LTBP1: variants seen among roughly 807,000 people sequenced by gnomAD.
The protein encoded by LTBP1 is latent transforming growth factor beta binding protein 1.
In LTBP1, 129 loss-of-function variants were observed where a neutral mutation model predicts 207.6. The ratio of observed to expected loss-of-function variants is 0.62; its 90% CI spans 0.54 to 0.72. LTBP1 has a LOEUF of 0.72. Ranked by LOEUF, LTBP1 falls within the 30% of genes least tolerant of loss-of-function variation. LTBP1 has a pLI of 0.00. For synonymous variants in LTBP1, 963 were observed against 833.7 expected, an observed-to-expected ratio of 1.16 and a Z score of -2.67; for missense variants, 2,281 against 2,217.2, an observed-to-expected ratio of 1.03 and a Z score of -0.58.
intron 22 of LTBP1, among the ~76,000 whole-genome samples, chr2:33,302,322 G>C (rs914604279): frequency 6.6e-6 from 1 of 152,154 alleles, no homozygotes; most frequent in African/African-American, 2.4e-5. Flanking sequence ...TGCATTTAGA[G>C]CCTGTCAGTT....
At chr2:33,343,070 G>T in intron 25 of LTBP1, 107 bp downstream of exon 25, 2 of 1,271,654 alleles carry the variant, frequency 1.6e-6, no homozygotes, top group Non-Finnish European at 2.1e-6. Context: ...GAGCTTTATC[G>T]TAATTTGATT....
intron 3 of LTBP1, among the ~76,000 whole-genome samples, chr2:33,074,542 G>A (rs2077971090): frequency 6.6e-6 from 1 of 152,028 alleles, no homozygotes; most frequent in Admixed American, 6.6e-5. Context: ...TTCGAGACCA[G>A]CCTCGCCAAC....
intron 23 of LTBP1, among the ~76,000 whole-genome samples, chr2:33,309,788 G>C (rs1397845711): frequency 1.3e-5 from 2 of 152,184 alleles, no homozygotes; most frequent in Admixed American, 1.3e-4. Context: ...CTCACTGCGT[G>C]CTTCCGTCAC....
intron 11 of LTBP1, among the ~76,000 whole-genome samples, chr2:33,253,933 A>AGGCTGGAG (rs1426284127): frequency 8.3e-6 from 1 of 120,556 alleles, no homozygotes; most frequent in Non-Finnish European, 1.6e-5. Flanking sequence ...TTTGTTGCCC[A>AGGCTGGAG]GGCTGGAGTG....
intron 7 of LTBP1, among the ~76,000 whole-genome samples, chr2:33,204,361 T>A (rs2089652343): frequency 6.6e-6 from 1 of 152,212 alleles, no homozygotes; most frequent in South Asian, 2.1e-4. Flanking sequence ...TGAACAAGAT[T>A]TGCCACCGTT....
At chr2:33,009,808 T>C (rs957416576) in intron 2 of LTBP1, among the ~76,000 whole-genome samples, 1 of 152,012 alleles carries the variant, frequency 6.6e-6, no homozygotes, top group African/African-American at 2.4e-5. Flanking sequence ...GTCTTAGAGT[T>C]TGGGGTGGAT....
chr2:33,110,464 A>G, intron 3 of LTBP1, 118 bp from the exon 4 acceptor site: 1 of 884,362 alleles, frequency 1.1e-6, no homozygotes, highest in South Asian at 1.9e-5. Context: ...AAAAAAAATG[A>G]GCCTTGCTTG....
chr2:33,311,384 A>G (rs531055748), intron 23 of LTBP1, among the ~76,000 whole-genome samples: 2 of 152,232 alleles, frequency 1.3e-5, no homozygotes, highest in East Asian at 1.9e-4. Flanking sequence ...GTGAAATTCA[A>G]TTTTTTCCAA....
At position 33,325,368 on chromosome 2, in the gene LTBP1, C is replaced by T. The variant is rs79668786; in HGVS notation, c.3730+10099C>T. On this transcript the variant is annotated intron_variant, in intron 24 of 33. Transcript: ENST00000404816. ...TTTTTTGGCTGATTTTATGTTGCCT[C>T]TGAGGCCTAAGTGTCAAAAAGATGA... is the stretch of plus-strand genomic sequence containing the variant. 3.3e-4 allele frequency among the ~76,000 whole-genome samples: 51 copies of T among 152,260 alleles called. 1 individual carries two copies. The East Asian group carries it at 9.5e-3, about 28-fold the overall frequency.
At chr2:33,378,226 G>GTGT (rs1558324150) in intron 31 of LTBP1, among the ~76,000 whole-genome samples, 3 of 120,574 alleles carry the variant, frequency 2.5e-5, no homozygotes, top group African/African-American at 9.9e-5. Context: ...TGTGTGTTTT[G>GTGT]TTTGTTTGTT....
In LTBP1 at chr2:32,947,665, C is replaced by G; in HGVS notation, c.341C>G (p.Pro114Arg). 6.9e-7 allele frequency: 1 copy of G among 1,439,142 alleles called. No individual in the cohort carries two copies. Among genetic ancestry groups the G allele is most frequent in the Non-Finnish European group, 9.2e-7 (1 of 1,091,054 alleles). 89.1% of individuals were successfully genotyped at this position (1,439,142 alleles called of 1,614,324 possible). A position where few individuals can be genotyped will look rare whatever the true frequency, so the allele number is the denominator to read the frequency against. Residue 114 changes from proline to arginine, a missense_variant, in exon 1 of 34, where the codon CCC becomes CGC. By Grantham distance (103) the Pro-to-Arg change is moderately radical. Around this residue, in one of 3 missense-constraint regions of LTBP1, gnomAD observed 555 missense variants for 491.0 expected, o/e 1.13. Coordinates refer to ENST00000404816, the MANE Select transcript of LTBP1 (RefSeq NM_206943.4). ...PPPEPARPAV[P>R]GGQLHPNPGG... ...CCGGAGCCTGCGCGTCCCGCGGTCC[C>G]CGGCGGGCAGCTCCACCCCAATCCC...
At chr2:33,038,932 TGCCTGCCTCTGGGC>T (rs998221843) in intron 3 of LTBP1, among the ~76,000 whole-genome samples, 1 of 152,232 alleles carries the variant, frequency 6.6e-6, no homozygotes, top group Non-Finnish European at 1.5e-5. Flanking sequence ...TGCCTCTGGG[TGCCTGCCTCTGGGC>T]ACCTGCCTGG....
chr2:33,045,482 T>C (rs911047962), intron 3 of LTBP1, among the ~76,000 whole-genome samples: 3 of 152,244 alleles, frequency 2.0e-5, no homozygotes, highest in East Asian at 1.9e-4. Flanking sequence ...ATGTCTGTTT[T>C]GGTACCAGTA....
At chr2:32,948,484 C>G (rs1334321713) in intron 1 of LTBP1, among the ~76,000 whole-genome samples, 1 of 152,118 alleles carries the variant, frequency 6.6e-6, no homozygotes, top group Non-Finnish European at 1.5e-5. Context: ...AGGGGTGATT[C>G]CAGGCCATGT....
chr2:33,037,453 T>A (rs2075979773), intron 3 of LTBP1, among the ~76,000 whole-genome samples: 1 of 152,254 alleles, frequency 6.6e-6, no homozygotes, highest in Non-Finnish European at 1.5e-5. Context: ...TATTTTTTAA[T>A]CTCTGAAAGT....
At chr2:33,241,560 A>G (rs2092323962) in intron 9 of LTBP1, among the ~76,000 whole-genome samples, 1 of 152,198 alleles carries the variant, frequency 6.6e-6, no homozygotes, top group African/African-American at 2.4e-5. Context: ...TATAGAAACC[A>G]CCTAGCAAGG....
chr2:33,323,493 C>A (rs1025423227), intron 24 of LTBP1, among the ~76,000 whole-genome samples: 4 of 152,006 alleles, frequency 2.6e-5, no homozygotes. Flanking sequence ...AAAAAATTAC[C>A]CAGATGTGGT....
intron 19 of LTBP1, among the ~76,000 whole-genome samples, chr2:33,288,452 AGCCAGGTGGGATTACTG>A (rs2093708286): frequency 6.6e-6 from 1 of 152,196 alleles, no homozygotes; most frequent in African/African-American, 2.4e-5. Context: ...CGAGACAATG[AGCCAGGTGGGATTACTG>A]GCCAGCTGGG....
chr2:33,049,537 A>G (rs921453812), intron 3 of LTBP1, among the ~76,000 whole-genome samples: 1 of 152,246 alleles, frequency 6.6e-6, no homozygotes, highest in East Asian at 1.9e-4. Context: ...CCAAGATTAA[A>G]AAAATGAAAC....
Sources: gnomAD v4.1 joint callset for allele counts (sites outside exome capture counted in the v4.1 genomes callset) on GRCh38, gnomAD v4.1.1 for gene constraint, gnomAD v4.1.1 regional missense constraint, MANE v1.5 for transcripts, NCBI Gene and HGNC (gene_info 2026-07-23, HGNC 2026-07-21) for gene names.